Variants in THBS4 observed in about 807,000 individuals in gnomAD.
THBS4 encodes the protein thrombospondin-4.
Under a neutral mutation model 115.7 loss-of-function variants are expected in THBS4, and 90 were observed. That is an observed-to-expected ratio of 0.78 (90% confidence interval 0.66 to 0.93). THBS4 has a LOEUF of 0.93. Among genes scored for constraint, THBS4 ranks in the 40% least tolerant of loss-of-function variants. The pLI, the probability that THBS4 is intolerant of heterozygous loss-of-function variation, is 0.00. For synonymous variants in THBS4, 460 were observed against 479.3 expected (o/e 0.96, Z 0.53); for missense variants, 1,087 against 1,232.7 (o/e 0.88, Z 1.77).
At chr5:80,026,355 G>A (rs1189264195) in intron 2 of THBS4, among the ~76,000 whole-genome samples, 3 of 152,196 alleles carry the variant, frequency 2.0e-5, no homozygotes, top group Non-Finnish European at 4.4e-5. Flanking sequence ...GTAGGGAAGG[G>A]ACTACCAGCA....
At chr5:80,080,736 G>A (rs17878992) in intron 20 of THBS4, among the ~76,000 whole-genome samples, 3,277 of 151,730 alleles carry the variant, frequency 0.022, 113 homozygotes, top group African/African-American at 0.074. Flanking sequence ...ACAGGCACGC[G>A]CCATCACGCC....
rs1319831562 is a variant in THBS4, at chr5:80,061,774, G to A, written c.1067G>A (p.Gly356Asp). Residue 356 changes from glycine to aspartate, a missense_variant, in exon 8 of 22, where the codon GGC (glycine) becomes GAC (aspartate). Gly to Asp is a moderately conservative substitution (Grantham distance 94). Coordinates refer to ENST00000350881, the MANE Select transcript of THBS4 (RefSeq NM_003248.6). ...PGFRCDACPV[G>D]FTGPMVQGVG... The stretch of plus-strand genomic sequence containing the variant: ...TTCAGATGTGACGCCTGCCCAGTGG[G>A]CTTCACAGGGCCCATGGTGCAGGGT... 1 of 1,614,106 alleles carries A rather than the reference G, an allele frequency of 6.2e-7. No individual in the cohort carries two copies. Among genetic ancestry groups the A allele is most frequent in the East Asian group, 2.2e-5 (1 of 44,862 alleles).
At chr5:80,037,379 C>T (rs1194904498) in intron 1 of THBS4, among the ~76,000 whole-genome samples, 1 of 152,084 alleles carries the variant, frequency 6.6e-6, no homozygotes, top group East Asian at 1.9e-4. Flanking sequence ...TCCTTCTTCC[C>T]CTGAGCTTCA....
At chr5:80,004,334 G>A (rs996187584) in intron 2 of THBS4, among the ~76,000 whole-genome samples, 1 of 152,192 alleles carries the variant, frequency 6.6e-6, no homozygotes, top group Non-Finnish European at 1.5e-5. Context: ...CATTGGACTG[G>A]CCTAGGGAAG....
At chr5:80,020,469 A>G (rs914231813) in intron 2 of THBS4, among the ~76,000 whole-genome samples, 3 of 152,256 alleles carry the variant, frequency 2.0e-5, no homozygotes, top group African/African-American at 7.2e-5. Flanking sequence ...GCGAGACTCC[A>G]TCTCAAAAAA....
chr5:80,034,977 G>T (rs1018073879), upstream of THBS4, among the ~76,000 whole-genome samples: 2 of 152,152 alleles, frequency 1.3e-5, no homozygotes, highest in Non-Finnish European at 1.5e-5. Flanking sequence ...CAAAAGGAGC[G>T]CAAGGAGTAG....
intron 4 of THBS4, 147 bp downstream of exon 4, chr5:80,058,461 C>T: frequency 1.5e-6 from 1 of 676,774 alleles, no homozygotes; most frequent in South Asian, 1.9e-5. Flanking sequence ...TGAACAAAAT[C>T]CAGGGCACAG....
At chr5:80,029,299 AT>A (rs978285545) in intron 2 of THBS4, among the ~76,000 whole-genome samples, 77 of 152,344 alleles carry the variant, frequency 5.1e-4, no homozygotes, top group African/African-American at 1.8e-3. Flanking sequence ...CACGATAATC[AT>A]TGTTATCATT....
At position 80,017,172 on chromosome 5, in the gene THBS4, G is replaced by C. The variant is rs180726001; in HGVS notation, n.177+18745G>C. Among the ~76,000 whole-genome samples the C allele has an allele frequency of 2.6e-5, 4 of 152,262 alleles. No homozygotes were observed. The East Asian group carries it at 7.7e-4, about 29-fold the overall frequency. On this transcript the variant is annotated intron_variant and non_coding_transcript_variant, in intron 2 of 3. Transcript: ENST00000510218. ...GGCCAATGTTCAAGCTGGGCTTCCTGGTGGCAAAAGCATACATGAAATTAT... is the reference window on the plus strand; with the variant it reads ...GGCCAATGTTCAAGCTGGGCTTCCTCGTGGCAAAAGCATACATGAAATTAT...
chr5:80,034,949 ATTC>A (rs556558520), upstream of THBS4, among the ~76,000 whole-genome samples: 4 of 152,288 alleles, frequency 2.6e-5, no homozygotes, highest in African/African-American at 7.2e-5. Context: ...TCCAAAGGAT[ATTC>A]TTCTTTTTAG....
At chr5:80,045,567 G>C (rs954289702) in intron 2 of THBS4, among the ~76,000 whole-genome samples, 1 of 131,934 alleles carries the variant, frequency 7.6e-6, no homozygotes, top group Non-Finnish European at 1.6e-5. Flanking sequence ...TTTTGCTCTT[G>C]TTGCCCAGGT....
chr5:79,991,860 G>A (rs539003818), intron 1 of THBS4, among the ~76,000 whole-genome samples: 6 of 152,172 alleles, frequency 3.9e-5, no homozygotes, highest in Admixed American at 1.3e-4. Flanking sequence ...TTTTTACAAA[G>A]TTAGGAGCTC....
At position 80,035,466 on chromosome 5, in the gene THBS4, C is replaced by G; in HGVS notation, c.-72C>G. 9.0e-7 allele frequency: 1 copy of G among 1,114,128 alleles called. No individual in the cohort carries two copies. The highest frequency in any genetic ancestry group is 1.1e-6 in the Non-Finnish European group (1 of 880,864). 69.0% of individuals were successfully genotyped at this position (1,114,128 alleles called of 1,614,324 possible). On this transcript the variant is annotated 5_prime_UTR_variant, in exon 1 of 22. Transcript: ENST00000350881. The surrounding 1 kb of genome is among the most constrained non-coding windows in gnomAD (Gnocchi z 4.6). ...CGGGCGCCGACCGAGGTTCAACGCA[C>G]GGCCCGGGGACCCCCAGGCGGGGCC...
In THBS4 at chr5:80,065,478, G is replaced by T; in HGVS notation, c.1194+1G>T. 1 of 1,611,916 alleles carries T rather than the reference G, an allele frequency of 6.2e-7. No individual in the cohort carries two copies. The highest frequency in any genetic ancestry group is 1.1e-5 in the South Asian group (1 of 90,772). ...CAACTCGATCTGCGTTAATACTTTGGTAAGTATTTCTCACAGCTGTTGTTA... is the reference window on the plus strand; with the variant it reads ...CAACTCGATCTGCGTTAATACTTTGTTAAGTATTTCTCACAGCTGTTGTTA... On this transcript the variant is annotated splice_donor_variant, in intron 9 of 21. Transcript: ENST00000350881. LOFTEE classifies it high-confidence loss of function.
rs751672404 is a variant in THBS4 at position 80,079,195 on chromosome 5, G to A, written c.2448G>A (p.Thr816=). 2.4e-5 allele frequency: 39 copies of A among 1,614,056 alleles called. No individual in the cohort carries two copies. The Middle Eastern group carries it at 1.3e-3, about 54-fold the overall frequency. ...SSFYVVMWKQ[T]EQTYWQATPF... is the part of the protein sequence containing the mutation. ...TCTACGTGGTCATGTGGAAGCAGAC[G>A]GAGCAGACATATTGGCAAGCCACCC... The change falls in exon 19 of 22, where the codon ACG becomes ACA. Residue 816 remains threonine (T), a synonymous_variant. Transcript: ENST00000350881.
At position 80,035,658 on chromosome 5, in the gene THBS4, G is replaced by C; in HGVS notation, c.88+33G>C. On this transcript the variant is annotated intron_variant, in intron 1 of 21. Coordinates refer to ENST00000350881, the MANE Select transcript of THBS4 (RefSeq NM_003248.6). The surrounding 1 kb of genome is among the most constrained non-coding windows in gnomAD (Gnocchi z 4.6). ...GGTTCGGGTCGGGCCTGGGAGCGCC[G>C]GGCACCGGGTGCCCCATCTGCTGAG... 7.7e-7 allele frequency: 1 copy of C among 1,297,572 alleles called. No homozygotes were observed. Among genetic ancestry groups the C allele is most frequent in the Non-Finnish European group, 9.8e-7 (1 of 1,017,662 alleles). The allele number at this position is 1,297,572 out of a possible 1,614,324, so 80.4% of individuals were successfully genotyped here.
At chr5:79,992,402 G>C (rs1831699698) in intron 1 of THBS4, among the ~76,000 whole-genome samples, 1 of 152,060 alleles carries the variant, frequency 6.6e-6, no homozygotes, top group Non-Finnish European at 1.5e-5. Context: ...GCAACTTTTC[G>C]TAAAATTACT....
intron 15 of THBS4, chr5:80,074,293 T>C (rs1743077549): frequency 6.6e-6 from 1 of 152,206 alleles, no homozygotes; most frequent in African/African-American, 2.4e-5. Flanking sequence ...GTGAGTTTTG[T>C]GAACCCTCCT....
intron 2 of THBS4, among the ~76,000 whole-genome samples, chr5:79,999,959 T>A (rs1396193594): frequency 1.3e-5 from 2 of 152,184 alleles, no homozygotes; most frequent in Non-Finnish European, 2.9e-5. Flanking sequence ...TGAAATGGTG[T>A]TTACAGTTGG....
Sources: allele counts gnomAD v4.1 joint callset (sites outside exome capture counted in the v4.1 genomes callset), GRCh38; gene constraint gnomAD v4.1.1; non-coding constraint Gnocchi (gnomAD v3.1); transcripts MANE v1.5; gene names NCBI Gene and HGNC (gene_info 2026-07-23, HGNC 2026-07-21).